SUPT5H: variants seen among roughly 807,000 people sequenced by gnomAD.
SUPT5H encodes transcription elongation factor SPT5.
A neutral mutation model predicts 142.5 loss-of-function variants in SUPT5H; 24 were observed. The observed-to-expected ratio is 0.17, with a 90% CI of 0.12 to 0.24. The LOEUF is 0.24. Ranked by LOEUF, SUPT5H falls within the 10% of genes least tolerant of loss-of-function variation. SUPT5H has a pLI of 1.00. For synonymous variants in SUPT5H, 546 were observed against 553.0 expected (o/e 0.99, Z 0.18); for missense variants, 893 against 1,471.8 (o/e 0.61, Z 6.43).
In SUPT5H at chr19:39,464,782, C is replaced by T; in HGVS notation, c.625-16C>T. 1 of 1,583,180 alleles carries T rather than the reference C, an allele frequency of 6.3e-7. No individual in the cohort carries two copies. The highest frequency in any genetic ancestry group is 8.6e-7 in the Non-Finnish European group (1 of 1,158,640). On this transcript the variant is annotated splice_polypyrimidine_tract_variant and intron_variant, in intron 10 of 29. Transcript: ENST00000432763. ...TGTGTCTCACTGTTTCCTCCTTCCA[C>T]CGGCTCACCCTGCAGCCCCTGCAGA...
In SUPT5H at chr19:39,470,100, C is replaced by T; in HGVS notation, c.1375-19C>T. The stretch of plus-strand genomic sequence containing the variant: ...GGTCTCCCTTCACCTGTTTGTTGTC[C>T]CCACACCCAATCCCCCAGGACATGT... On this transcript the variant is annotated intron_variant, in intron 16 of 29. Coordinates refer to ENST00000432763, the MANE Select transcript of SUPT5H (RefSeq NM_001111020.3). The surrounding 1 kb of genome is among the most constrained non-coding windows in gnomAD (Gnocchi z 5.8). The T allele has an allele frequency of 6.2e-7, 1 of 1,610,194 alleles. No homozygotes were observed. The highest frequency in any genetic ancestry group is 8.5e-7 in the Non-Finnish European group (1 of 1,177,602).
Position 39,451,741 on chromosome 19 carries a change from A to G in SUPT5H, c.76-1615A>G, listed in dbSNP as rs548135542. Among the ~76,000 whole-genome samples the G allele has an allele frequency of 3.3e-5, 5 of 152,240 alleles. No individual in the cohort carries two copies. The East Asian group carries it at 9.7e-4, about 29-fold the overall frequency. On this transcript the variant is annotated intron_variant, in intron 2 of 29. Transcript: ENST00000432763. The stretch of plus-strand genomic sequence containing the variant: ...AAGACGGGGTTTCACCACATTGGCT[A>G]GGCGGGTCTTGTACTCCTGATGTCA...
rs200586578 is a variant in SUPT5H at position 39,470,205 on chromosome 19, C to T, written c.1461C>T (p.Gly487=). 348 of 1,607,088 alleles carry T rather than the reference C, an allele frequency of 2.2e-4. 1 individual carries two copies. The highest frequency in any genetic ancestry group is 6.1e-4 in the Admixed American group (36 of 59,418). ...AGGTGATTGCTGGCCGATTCGAGGG[C>T]GACACAGGCCTCATTGTGCGGGTGG... ...HVKVIAGRFE[G]DTGLIVRVEE... The change falls in exon 17 of 30, where the codon GGC becomes GGT. Residue 487 remains glycine, a synonymous_variant. Coordinates refer to ENST00000432763, the MANE Select transcript of SUPT5H (RefSeq NM_001111020.3). The surrounding 1 kb of genome is among the most constrained non-coding windows in gnomAD (Gnocchi z 5.8).
chr19:39,469,895 C>A lies in SUPT5H; in HGVS notation c.1375-224C>A. 1 of 556,714 alleles carries A rather than the reference C, an allele frequency of 1.8e-6. No homozygotes were observed. Among genetic ancestry groups the A allele is most frequent in the Non-Finnish European group, 3.2e-6 (1 of 317,400 alleles). 34.5% of individuals were successfully genotyped at this position (556,714 alleles called of 1,614,324 possible). On this transcript the variant is annotated intron_variant, in intron 16 of 29. Coordinates refer to ENST00000432763, the MANE Select transcript of SUPT5H (RefSeq NM_001111020.3). The surrounding 1 kb of genome is among the most constrained non-coding windows in gnomAD (Gnocchi z 5.1). ...AGGTAGGCATCGTGTGTCTTGAGGG[C>A]GGGCTGGGGTAAAGGTTGTCCAGGT...
At chr19:39,460,049 CT>C in intron 10 of SUPT5H, 89 bp downstream of exon 10, 1 of 1,383,030 alleles carries the variant, frequency 7.2e-7, no homozygotes, top group Non-Finnish European at 1.0e-6. Flanking sequence ...CCAGGTGCCT[CT>C]GTTGTGAGCA....
rs767588676 is a variant in SUPT5H at position 39,457,647 on chromosome 19, C to T, written c.242-28C>T. 1.9e-6 allele frequency: 3 copies of T among 1,610,450 alleles called. No individual in the cohort carries two copies. In the South Asian group the frequency reaches 3.3e-5, roughly 18 times the overall value. ...GGAGCTGTTATGAGGTCACCTTTGC[C>T]ACTTACCACTTGGCCTTTCCGTTTT... is the stretch of plus-strand genomic sequence containing the variant. On this transcript the variant is annotated intron_variant, in intron 3 of 29. Coordinates refer to ENST00000432763, the MANE Select transcript of SUPT5H (RefSeq NM_001111020.3).
At position 39,474,771 on chromosome 19, in the gene SUPT5H, C is replaced by A; in HGVS notation, c.3024+53C>A. On this transcript the variant is annotated intron_variant, in intron 28 of 29. Coordinates refer to ENST00000432763, the MANE Select transcript of SUPT5H (RefSeq NM_001111020.3). The surrounding 1 kb of genome is among the most constrained non-coding windows in gnomAD (Gnocchi z 6.5). ...GCAGGCATCCTCTCCTTGGTACCCC[C>A]TAAACTGGAGACAGACCTGTCCCCA... The A allele has an allele frequency of 1.3e-6, 2 of 1,544,694 alleles. No homozygotes were observed. Among genetic ancestry groups the A allele is most frequent in the South Asian group, 1.2e-5 (1 of 84,076 alleles).
chr19:39,469,989 G>A lies in SUPT5H; in HGVS notation c.1375-130G>A, dbSNP rs999467698. The A allele has an allele frequency of 1.6e-6, 2 of 1,251,170 alleles. No individual in the cohort carries two copies. Among genetic ancestry groups the A allele is most frequent in the African/African-American group, 3.0e-5 (2 of 66,682 alleles). 77.5% of individuals were successfully genotyped at this position (1,251,170 alleles called of 1,614,324 possible). ...GGGGTCGTCCAGGTGGACTAAGGTA[G>A]TCTGGGGTGGGTGGTAAGAGCCTGA... On this transcript the variant is annotated intron_variant, in intron 16 of 29. Transcript: ENST00000432763. The surrounding 1 kb of genome is among the most constrained non-coding windows in gnomAD (Gnocchi z 5.1).
Position 39,473,182 on chromosome 19 carries a change from AT to A in SUPT5H, c.2259-18del. On this transcript the variant is annotated intron_variant, in intron 23 of 29. Transcript: ENST00000432763. The surrounding 1 kb of genome is among the most constrained non-coding windows in gnomAD (Gnocchi z 5.8). The stretch of plus-strand genomic sequence containing the variant: ...GCAGTGAGAGGGGTCTGCTCACCCC[AT>A]TTGTTCTCTGCGTCCCCAGGGGCTC... 2.5e-6 allele frequency: 4 copies of A among 1,611,164 alleles called. No homozygotes were observed. The highest frequency in any genetic ancestry group is 3.4e-6 in the Non-Finnish European group (4 of 1,179,822).
At position 39,463,006 on chromosome 19, in the gene SUPT5H, AT is replaced by A. The variant is rs34217986; in HGVS notation, c.625-1770del. Among the ~76,000 whole-genome samples, 753 of 103,084 alleles carry A rather than the reference AT, an allele frequency of 7.3e-3. 6 individuals carry two copies. Among genetic ancestry groups the A allele is most frequent in the African/African-American group, 0.02 (532 of 26,148 alleles). 67.6% of individuals were successfully genotyped at this position (103,084 alleles called of 152,430 possible). A position where few individuals can be genotyped will look rare whatever the true frequency, so the allele number is the denominator to read the frequency against. On this transcript the variant is annotated intron_variant, in intron 10 of 29. Transcript: ENST00000432763. ...AGGCACCCACCACCATGCCCAGCTAATTTTTTTTTTTTTTTTTTTTTTGGTA... is the reference window on the plus strand; with the variant it reads ...AGGCACCCACCACCATGCCCAGCTAATTTTTTTTTTTTTTTTTTTTTGGTA...
intron 8 of SUPT5H, 148 bp from the exon 9 acceptor site, chr19:39,459,411 C>A: frequency 7.5e-7 from 1 of 1,328,336 alleles, no homozygotes; most frequent in South Asian, 1.3e-5. Flanking sequence ...TCTCTTTCCT[C>A]TTGCTCCTGG....
chr19:39,469,905 TA>T lies in SUPT5H; in HGVS notation c.1375-211del. ...CGTGTGTCTTGAGGGCGGGCTGGGG[TA>T]AAGGTTGTCCAGGTTGGTGTCCTGT... On this transcript the variant is annotated intron_variant, in intron 16 of 29. Coordinates refer to ENST00000432763, the MANE Select transcript of SUPT5H (RefSeq NM_001111020.3). The surrounding 1 kb of genome is among the most constrained non-coding windows in gnomAD (Gnocchi z 5.1). The T allele has an allele frequency of 1.7e-6, 1 of 580,182 alleles. No homozygotes were observed. Among genetic ancestry groups the T allele is most frequent in the Non-Finnish European group, 3.0e-6 (1 of 336,258 alleles). 35.9% of individuals were successfully genotyped at this position (580,182 alleles called of 1,614,324 possible). A position where few individuals can be genotyped will look rare whatever the true frequency, so the allele number is the denominator to read the frequency against.
rs773830695 is a variant in SUPT5H at position 39,470,265 on chromosome 19, C to T, written c.1521C>T (p.Thr507=). Reference sequence around the variant, plus strand: ...TCGTTATCCTGTTCTCTGACCTCACCATGCATGAGGTAGGTGGATAGAAGG... The same window carrying T: ...TCGTTATCCTGTTCTCTGACCTCACTATGCATGAGGTAGGTGGATAGAAGG... The part of the protein sequence containing the change: ...ENFVILFSDL[T]MHELKVLPRD... Residue 507 remains threonine, a synonymous_variant, in exon 17 of 30, where the codon ACC becomes ACT. Coordinates refer to ENST00000432763, the MANE Select transcript of SUPT5H (RefSeq NM_001111020.3). The surrounding 1 kb of genome is among the most constrained non-coding windows in gnomAD (Gnocchi z 5.8). The T allele has an allele frequency of 1.9e-6, 3 of 1,571,372 alleles. No individual in the cohort carries two copies. Among genetic ancestry groups the T allele is most frequent in the Non-Finnish European group, 2.6e-6 (3 of 1,152,906 alleles).
intron 3 of SUPT5H, among the ~76,000 whole-genome samples, chr19:39,457,211 C>T (rs531914963): frequency 3.3e-5 from 5 of 152,210 alleles, no homozygotes; most frequent in East Asian, 1.9e-4. Flanking sequence ...GTGCCTCCCT[C>T]GGGGTTGCCA....
rs1458835367 is a variant in SUPT5H, at chr19:39,458,541, TGTGTG to T, written c.319+238_319+242del. On this transcript the variant is annotated intron_variant, in intron 5 of 29. Coordinates refer to ENST00000432763, the MANE Select transcript of SUPT5H (RefSeq NM_001111020.3). The surrounding 1 kb of genome is among the most constrained non-coding windows in gnomAD (Gnocchi z 4.2). ...ACTGAGCATTTGTGGGTGGTAGCGA[TGTGTG>T]GGGTGGGGTGCAGTCCAGGGTGTGC... 3 of 834,722 alleles carry T rather than the reference TGTGTG, an allele frequency of 3.6e-6. No individual in the cohort carries two copies. Among genetic ancestry groups the T allele is most frequent in the Middle Eastern group, 3.3e-4 (1 of 3,054 alleles). The allele number at this position is 834,722 out of a possible 1,614,324, so 51.7% of individuals were successfully genotyped here.
intron 28 of SUPT5H, among the ~76,000 whole-genome samples, chr19:39,475,427 G>GAGTT (rs372030173): frequency 3.7e-4 from 56 of 150,362 alleles, no homozygotes; most frequent in African/African-American, 1.3e-3. Flanking sequence ...TGAGGCCAGA[G>GAGTT]AGTTGGCTGG....
chr19:39,459,600 T>A lies in SUPT5H; in HGVS notation c.555+11T>A, dbSNP rs1012892598. The A allele has an allele frequency of 1.9e-5, 31 of 1,613,664 alleles. No homozygotes were observed. Among genetic ancestry groups the A allele is most frequent in the Non-Finnish European group, 2.4e-5 (28 of 1,179,842 alleles). The stretch of plus-strand genomic sequence containing the variant: ...ACTGTCAAATGTAAGGTATGTGCTC[T>A]GATCTCGGGGCTTGGAGGAGGTGGG... On this transcript the variant is annotated intron_variant, in intron 9 of 29. Coordinates refer to ENST00000432763, the MANE Select transcript of SUPT5H (RefSeq NM_001111020.3).
chr19:39,459,657 G>A, intron 9 of SUPT5H, 68 bp downstream of exon 9: 1 of 1,592,676 alleles, frequency 6.3e-7, no homozygotes, highest in Non-Finnish European at 8.6e-7. Flanking sequence ...TGGGGGAGAA[G>A]TGTCTGTCTG....
Position 39,474,333 on chromosome 19 carries a change from C to T in SUPT5H, c.2751C>T (p.Ser917=). The T allele has an allele frequency of 6.2e-7, 1 of 1,614,112 alleles. No homozygotes were observed. The highest frequency in any genetic ancestry group is 1.1e-5 in the South Asian group (1 of 91,072). The change falls in exon 27 of 30, where the codon AGC becomes AGT. Residue 917 remains serine, a synonymous_variant. Transcript: ENST00000432763. The surrounding 1 kb of genome is among the most constrained non-coding windows in gnomAD (Gnocchi z 6.5). ...AGAGCTACCACCAGGTGGCGCCAAG[C>T]CCAGCAGGCTACCAGAATACCCACT... is the stretch of plus-strand genomic sequence containing the variant. ...SPQSYHQVAP[S]PAGYQNTHSP...
Sources: gnomAD v4.1 joint callset for allele counts (sites outside exome capture counted in the v4.1 genomes callset) on GRCh38, gnomAD v4.1.1 for gene constraint, Gnocchi (gnomAD v3.1) non-coding constraint, MANE v1.5 for transcripts, NCBI Gene and HGNC (gene_info 2026-07-23, HGNC 2026-07-21) for gene names.